The following RAB28 variants were observed in gnomAD, a reference collection of about 807,000 sequenced individuals.
RAB28 encodes the protein ras-related protein Rab-28.
In RAB28, 24 loss-of-function variants were observed where a neutral mutation model predicts 31.7. The ratio of observed to expected loss-of-function variants is 0.76; its 90% CI spans 0.55 to 1.06. The LOEUF is 1.06. Ranked by LOEUF, RAB28 falls within the 50% of genes least tolerant of loss-of-function variation. The pLI is 0.00. For synonymous variants in RAB28, 100 were observed against 90.4 expected (o/e 1.11, Z -0.60); for missense variants, 254 against 258.5 (o/e 0.98, Z 0.12).
chr4:13,422,758 G>C (rs193223806), intron 4 of RAB28, among the ~76,000 whole-genome samples: 15 of 151,962 alleles, frequency 9.9e-5, no homozygotes, highest in East Asian at 7.8e-4. Context: ...CATGGGATGG[G>C]GGACGGGGGA....
chr4:13,411,007 C>T (rs1470321600), intron 4 of RAB28, among the ~76,000 whole-genome samples: 1 of 151,850 alleles, frequency 6.6e-6, no homozygotes, highest in East Asian at 1.9e-4. Context: ...ATCCAGATAC[C>T]ACAGGCATTA....
intron 4 of RAB28, among the ~76,000 whole-genome samples, chr4:13,448,732 T>C (rs2108948832): frequency 6.6e-6 from 1 of 152,172 alleles, no homozygotes; most frequent in East Asian, 1.9e-4. Flanking sequence ...TGAAATGCTA[T>C]CAACATGTCC....
intron 4 of RAB28, among the ~76,000 whole-genome samples, chr4:13,385,698 A>G (rs778508495): frequency 2.6e-5 from 4 of 152,202 alleles, no homozygotes; most frequent in Non-Finnish European, 5.9e-5. Context: ...ATGGAAAGGA[A>G]AGACCACTAT....
At chr4:13,458,011 A>T (rs951630074) in intron 4 of RAB28, among the ~76,000 whole-genome samples, 2 of 152,196 alleles carry the variant, frequency 1.3e-5, no homozygotes, top group African/African-American at 4.8e-5. Context: ...TATGACAACT[A>T]AAATGAGAAG....
At chr4:13,391,472 T>C (rs1423541989) in intron 4 of RAB28, among the ~76,000 whole-genome samples, 1 of 152,186 alleles carries the variant, frequency 6.6e-6, no homozygotes, top group African/African-American at 2.4e-5. Flanking sequence ...GCAAATTAGT[T>C]CAACCATTGT....
chr4:13,422,872 C>T (rs1027409210), intron 4 of RAB28, among the ~76,000 whole-genome samples: 1 of 149,540 alleles, frequency 6.7e-6, no homozygotes, highest in South Asian at 2.1e-4. Context: ...ATGTTGTGCA[C>T]ATGTACCCTA....
intron 4 of RAB28, among the ~76,000 whole-genome samples, chr4:13,402,352 G>A (rs1489804200): frequency 6.6e-6 from 1 of 152,154 alleles, no homozygotes; most frequent in Non-Finnish European, 1.5e-5. Context: ...AAGGATTGTT[G>A]AAATCTCAGA....
At chr4:13,414,879 G>A (rs912280678) in intron 4 of RAB28, among the ~76,000 whole-genome samples, 1 of 152,176 alleles carries the variant, frequency 6.6e-6, no homozygotes, top group African/African-American at 2.4e-5. Flanking sequence ...TTAATATGAA[G>A]ATGAATAGGA....
At chr4:13,430,289 C>T (rs1713742333) in intron 4 of RAB28, among the ~76,000 whole-genome samples, 2 of 152,218 alleles carry the variant, frequency 1.3e-5, no homozygotes, top group South Asian at 4.2e-4. Flanking sequence ...TGAATAGACA[C>T]ATTCCAAAAG....
chr4:13,443,121 G>A (rs1272444605), intron 4 of RAB28, among the ~76,000 whole-genome samples: 1 of 151,802 alleles, frequency 6.6e-6, no homozygotes, highest in Non-Finnish European at 1.5e-5. Flanking sequence ...TCAAGTTAGG[G>A]CTATGAAAGA....
chr4:13,428,075 G>T (rs185067791), intron 4 of RAB28, among the ~76,000 whole-genome samples: 1 of 152,156 alleles, frequency 6.6e-6, no homozygotes, highest in Non-Finnish European at 1.5e-5. Context: ...TAATCAGAAC[G>T]GAACAGAACA....
intron 4 of RAB28, among the ~76,000 whole-genome samples, chr4:13,436,107 A>G (rs1485244286): frequency 6.6e-6 from 1 of 152,198 alleles, no homozygotes; most frequent in Non-Finnish European, 1.5e-5. Context: ...AACAAAAACC[A>G]TATGATCATC....
chr4:13,368,031 T>G lies in RAB28; in HGVS notation c.*527A>C. The G allele has an allele frequency of 1.0e-6, 1 of 973,350 alleles. No homozygotes were observed. 60.3% of individuals were successfully genotyped at this position (973,350 alleles called of 1,614,324 possible). ...AAAAATATTTCTATTACAGGCTTAT[T>G]TCAAGCATTTTCAGTTAGAAACAGC... On this transcript the variant is annotated 3_prime_UTR_variant, in exon 7 of 7. Transcript: ENST00000330852.
At chr4:13,455,307 G>A (rs1577230706) in intron 4 of RAB28, among the ~76,000 whole-genome samples, 1 of 152,326 alleles carries the variant, frequency 6.6e-6, no homozygotes, top group East Asian at 1.9e-4. Flanking sequence ...TCAGGGGAAG[G>A]TACACAGCAG....
intron 3 of RAB28, among the ~76,000 whole-genome samples, chr4:13,470,197 TTTAG>T (rs1199658463): frequency 2.0e-5 from 3 of 152,104 alleles, no homozygotes. Flanking sequence ...AATAATCTGC[TTTAG>T]TTATTTAGTT....
At chr4:13,391,871 C>T (rs1396163370) in intron 4 of RAB28, among the ~76,000 whole-genome samples, 4 of 142,100 alleles carry the variant, frequency 2.8e-5, no homozygotes, top group Admixed American at 7.3e-5. Flanking sequence ...CACTTGGACA[C>T]GGGGCGGGGA....
chr4:13,460,860 T>G, intron 3 of RAB28, 32 bp from the exon 4 acceptor site: 2 of 1,589,816 alleles, frequency 1.3e-6, no homozygotes, highest in Non-Finnish European at 1.7e-6. Flanking sequence ...ATATCTGTAA[T>G]GTATTATTTG....
At chr4:13,483,995 C>T (rs1716743860) in intron 1 of RAB28, 81 bp downstream of exon 1, 9 of 1,349,562 alleles carry the variant, frequency 6.7e-6, no homozygotes, top group Non-Finnish European at 9.3e-6. Flanking sequence ...GGTAACGAGG[C>T]GACGCCGGGC....
chr4:13,473,777 GAA>G (rs2108971810), intron 3 of RAB28: 1 of 311,480 alleles, frequency 3.2e-6, no homozygotes, highest in South Asian at 2.5e-5. Context: ...ATTTTCTTCT[GAA>G]AATACAGCAT....
Sources: allele counts gnomAD v4.1 joint callset (sites outside exome capture counted in the v4.1 genomes callset), GRCh38; gene constraint gnomAD v4.1.1; transcripts MANE v1.5; gene names NCBI Gene and HGNC (gene_info 2026-07-23, HGNC 2026-07-21).